The following TENM2 variants were observed in gnomAD, a reference collection of about 807,000 sequenced individuals.
TENM2 encodes teneurin-2.
In TENM2, 52 loss-of-function variants were observed where a neutral mutation model predicts 245.2. The ratio of observed to expected loss-of-function variants is 0.21; its 90% CI spans 0.17 to 0.27. The LOEUF (loss-of-function observed/expected upper bound fraction) is 0.27. Among genes scored for constraint, TENM2 ranks in the 10% least tolerant of loss-of-function variants. The pLI is 1.00. For synonymous variants in TENM2, 1,363 were observed against 1,438.9 expected (o/e 0.95, Z 1.19); for missense variants, 3,046 against 3,666.8 (o/e 0.83, Z 4.37).
the TENM2 span, among the ~76,000 whole-genome samples, chr5:167,016,648 G>T: frequency 6.6e-6 from 1 of 152,144 alleles, no homozygotes; most frequent in Admixed American, 6.5e-5. Context: ...CGACAACATG[G>T]ATGAACAACA....
chr5:167,830,738 A>C (rs962976213), intron 2 of TENM2, among the ~76,000 whole-genome samples: 2 of 152,194 alleles, frequency 1.3e-5, no homozygotes, highest in African/African-American at 4.8e-5. Context: ...AGGAGTTCTC[A>C]AACTTGAGAG....
At chr5:167,278,192 T>A in the TENM2 span, among the ~76,000 whole-genome samples, 1 of 152,136 alleles carries the variant, frequency 6.6e-6, no homozygotes, top group African/African-American at 2.4e-5. Flanking sequence ...TAGTCCCAGC[T>A]ACTCAGGAAG....
chr5:167,568,718 A>C (rs1031931349), intron 2 of TENM2, among the ~76,000 whole-genome samples: 3 of 151,154 alleles, frequency 2.0e-5, no homozygotes, highest in African/African-American at 7.3e-5. Context: ...GCATTTATTC[A>C]ACTTGTTGAA....
At chr5:167,062,841 T>G in the TENM2 span, among the ~76,000 whole-genome samples, 1 of 152,172 alleles carries the variant, frequency 6.6e-6, no homozygotes, top group East Asian at 1.9e-4. Context: ...GAAAATAGTT[T>G]AAATCCAAAG....
chr5:167,865,384 C>A (rs1285616142), intron 2 of TENM2, among the ~76,000 whole-genome samples: 1 of 152,106 alleles, frequency 6.6e-6, no homozygotes, highest in Non-Finnish European at 1.5e-5. Flanking sequence ...AGCAGTCTTC[C>A]CACCTCAGCC....
intron 2 of TENM2, among the ~76,000 whole-genome samples, chr5:167,782,320 A>AG (rs963214630): frequency 6.7e-6 from 1 of 149,878 alleles, no homozygotes; most frequent in Non-Finnish European, 1.5e-5. Context: ...TCTCAAAAAA[A>AG]AAAAAAAAAA....
At chr5:167,926,667 G>A (rs1486251317) in intron 3 of TENM2, among the ~76,000 whole-genome samples, 2 of 151,652 alleles carry the variant, frequency 1.3e-5, no homozygotes, top group Non-Finnish European at 2.9e-5. Flanking sequence ...GTTGCAGTGA[G>A]CTGAGATCAC....
At chr5:167,388,047 A>C (rs1761545006) in intron 2 of TENM2, among the ~76,000 whole-genome samples, 1 of 152,028 alleles carries the variant, frequency 6.6e-6, no homozygotes, top group Non-Finnish European at 1.5e-5. Flanking sequence ...TAATATAGGG[A>C]GGTTTCCCTC....
chr5:167,414,537 G>A (rs982218960), intron 2 of TENM2, among the ~76,000 whole-genome samples: 12 of 152,180 alleles, frequency 7.9e-5, no homozygotes, highest in Admixed American at 3.9e-4. Flanking sequence ...GATTTATGGC[G>A]TGATTTATGG....
At chr5:166,999,427 G>A in the TENM2 span, among the ~76,000 whole-genome samples, 3 of 152,194 alleles carry the variant, frequency 2.0e-5, no homozygotes, top group East Asian at 5.8e-4. Context: ...ATGCATAGAA[G>A]GCAGATTGTC....
intron 2 of TENM2, among the ~76,000 whole-genome samples, chr5:167,795,446 G>A (rs1391322856): frequency 1.3e-5 from 2 of 152,094 alleles, no homozygotes; most frequent in African/African-American, 4.8e-5. Flanking sequence ...AGTGATTTGA[G>A]GCTTCTAAAT....
the TENM2 span, among the ~76,000 whole-genome samples, chr5:167,008,714 G>T: frequency 6.6e-6 from 1 of 152,138 alleles, no homozygotes; most frequent in Non-Finnish European, 1.5e-5. Flanking sequence ...CATCTAGGAG[G>T]AGAGGCAGCT....
chr5:167,052,852 T>C, the TENM2 span, among the ~76,000 whole-genome samples: 1 of 152,052 alleles, frequency 6.6e-6, no homozygotes, highest in Non-Finnish European at 1.5e-5. Flanking sequence ...TCGTATCCAA[T>C]CAAAAGTCCA....
chr5:167,477,194 A>T (rs189504880), intron 2 of TENM2, among the ~76,000 whole-genome samples: 1 of 152,000 alleles, frequency 6.6e-6, no homozygotes, highest in Admixed American at 6.6e-5. Flanking sequence ...AAAATTAATA[A>T]TTTTTACTGC....
chr5:167,475,975 A>G (rs893189063), intron 2 of TENM2, among the ~76,000 whole-genome samples: 1 of 152,198 alleles, frequency 6.6e-6, no homozygotes, highest in East Asian at 1.9e-4. Context: ...ATGCGTCTTT[A>G]TAGTAGAAAA....
chr5:167,207,679 A>G, the TENM2 span, among the ~76,000 whole-genome samples: 2 of 152,226 alleles, frequency 1.3e-5, no homozygotes, highest in South Asian at 2.1e-4. Flanking sequence ...TTTCCTTACA[A>G]TAAAATGAGA....
intron 2 of TENM2, among the ~76,000 whole-genome samples, chr5:167,467,285 C>T (rs2053061): frequency 0.43 from 65,603 of 151,768 alleles, 14,511 homozygotes; most frequent in Middle Eastern, 0.52. Flanking sequence ...TCTCTCCTAC[C>T]GCCTTGTGAG....
the TENM2 span, among the ~76,000 whole-genome samples, chr5:167,059,439 A>G: frequency 1.3e-5 from 2 of 152,204 alleles, no homozygotes; most frequent in African/African-American, 4.8e-5. Flanking sequence ...TATACTTAAC[A>G]GTTTTTCAGA....
chr5:167,215,693 C>T, the TENM2 span, among the ~76,000 whole-genome samples: 4 of 152,146 alleles, frequency 2.6e-5, no homozygotes, highest in Non-Finnish European at 4.4e-5. Flanking sequence ...GAGGCTTTCC[C>T]AGTGTCCCAA....
Sources: allele counts gnomAD v4.1 joint callset (sites outside exome capture counted in the v4.1 genomes callset), GRCh38; gene constraint gnomAD v4.1.1; transcripts MANE v1.5; gene names NCBI Gene and HGNC (gene_info 2026-07-23, HGNC 2026-07-21).